ATP2A2: variants seen among roughly 807,000 people sequenced by gnomAD.
The protein encoded by ATP2A2 is ATPase sarcoplasmic/endoplasmic reticulum Ca2+ transporting 2.
A neutral mutation model predicts 109.3 loss-of-function variants in ATP2A2; 14 were observed. The ratio of observed to expected loss-of-function variants is 0.13; its 90% CI spans 0.08 to 0.20. ATP2A2 has a LOEUF of 0.20. Among genes scored for constraint, ATP2A2 ranks in the 10% least tolerant of loss-of-function variants. The pLI, the probability that ATP2A2 is intolerant of heterozygous loss-of-function variation, is 1.00. For synonymous variants in ATP2A2, 506 were observed against 490.9 expected, an observed-to-expected ratio of 1.03 and a Z score of -0.41; for missense variants, 657 against 1,321.6, an observed-to-expected ratio of 0.50 and a Z score of 7.80.
At chr12:110,345,601 A>G in intron 18 of ATP2A2, 1 of 751,752 alleles carries the variant, frequency 1.3e-6, no homozygotes, top group Admixed American at 2.6e-5. Flanking sequence ...CTTCCTTAAA[A>G]GAAACCGTGG....
intron 17 of ATP2A2, 88 bp from the exon 18 acceptor site, chr12:110,345,161 C>A: frequency 6.3e-7 from 1 of 1,597,214 alleles, no homozygotes; most frequent in Non-Finnish European, 8.6e-7. Context: ...TGCATTCAGG[C>A]TGGTCTGTGC....
At position 110,323,047 on chromosome 12, in the gene ATP2A2, A is replaced by G; in HGVS notation, c.519A>G (p.Leu173=). 6.2e-7 allele frequency: 1 copy of G among 1,612,020 alleles called. No individual in the cohort carries two copies. The highest frequency in any genetic ancestry group is 8.5e-7 in the Non-Finnish European group (1 of 1,178,068). Residue 173 remains leucine, a synonymous_variant, in exon 6 of 20, where the codon CTA becomes CTG. Coordinates refer to ENST00000539276, the MANE Select transcript of ATP2A2 (RefSeq NM_170665.4). Reference sequence around the variant, plus strand: ...TAACTTCCATCAAATCTACCACACTAAGAGTTGACCAGTCAATTCTCACAG... The same window carrying G: ...TAACTTCCATCAAATCTACCACACTGAGAGTTGACCAGTCAATTCTCACAG... The part of the protein sequence containing the change: ...IRLTSIKSTT[L]RVDQSILTGE...
chr12:110,333,195 A>C lies in ATP2A2; in HGVS notation c.1199A>C (p.Lys400Thr), dbSNP rs1878518298. ...TCTTTGGGCAGGCATAAAGATGATA[A>C]ACCAGTGAATTGTCACCAGTATGAT... ...APIGEVHKDD[K>T]PVNCHQYDGL... is the part of the protein sequence containing the mutation. The change falls in exon 10 of 20, where the codon AAA becomes ACA. Residue 400 changes from lysine (K) to threonine (T), a missense_variant. Transcript: ENST00000539276. The C allele has an allele frequency of 6.2e-7, 1 of 1,613,874 alleles. No individual in the cohort carries two copies. The highest frequency in any genetic ancestry group is 1.3e-5 in the African/African-American group (1 of 75,038).
In ATP2A2 at chr12:110,349,493, C is replaced by G. The variant is rs994783995; in HGVS notation, c.*3023C>G. 34 of 985,584 alleles carry G rather than the reference C, an allele frequency of 3.4e-5. No homozygotes were observed. Among genetic ancestry groups the G allele is most frequent in the Non-Finnish European group, 4.1e-5 (34 of 830,134 alleles). 61.1% of individuals were successfully genotyped at this position (985,584 alleles called of 1,614,324 possible). On this transcript the variant is annotated 3_prime_UTR_variant, in exon 20 of 20. Coordinates refer to ENST00000539276, the MANE Select transcript of ATP2A2 (RefSeq NM_170665.4). ...AACTGGGACACCACTCTGCAGAATG[C>G]AGATGATCCATTCTGGAGGAAGCTG...
intron 17 of ATP2A2, 54 bp downstream of exon 17, chr12:110,345,025 G>C (rs1031856231): frequency 7.8e-5 from 123 of 1,579,226 alleles, no homozygotes; most frequent in Admixed American, 1.2e-4. Context: ...GTGAGGCCTT[G>C]ACCTTTCTGT....
chr12:110,304,766 C>T (rs1436638530), intron 5 of ATP2A2, among the ~76,000 whole-genome samples: 1 of 152,016 alleles, frequency 6.6e-6, no homozygotes, highest in Non-Finnish European at 1.5e-5. Context: ...TGATAAAGTC[C>T]ACTTATACAT....
Position 110,282,819 on chromosome 12 carries a change from C to T in ATP2A2, c.219+24C>T, listed in dbSNP as rs750700820. On this transcript the variant is annotated intron_variant, in intron 3 of 19. Transcript: ENST00000539276. ...TTGTAAGTATAAAAAAATTTATTTT[C>T]TTTCCCCCCAAAAGCTGAAAGTATT... The T allele has an allele frequency of 4.4e-6, 7 of 1,575,558 alleles. No homozygotes were observed. In the African/African-American group the frequency reaches 6.8e-5, roughly 15 times the overall value.
In ATP2A2 at chr12:110,348,807, G is replaced by A. The variant is rs146603527; in HGVS notation, c.*2337G>A. 66 of 985,478 alleles carry A rather than the reference G, an allele frequency of 6.7e-5. No individual in the cohort carries two copies. In the African/African-American group the frequency reaches 9.4e-4, roughly 14 times the overall value. The allele number at this position is 985,478 out of a possible 1,614,324, so 61.0% of individuals were successfully genotyped here. On this transcript the variant is annotated 3_prime_UTR_variant, in exon 20 of 20. Transcript: ENST00000539276. ...CCAGCAGGGAACATTTGGGGCAGGG[G>A]GTAAATTTTGCCAGTTTGAGCATCA...
In ATP2A2 at chr12:110,342,501, T is replaced by C; in HGVS notation, c.2318+53T>C. The C allele has an allele frequency of 2.5e-6, 4 of 1,574,934 alleles. No individual in the cohort carries two copies. Among genetic ancestry groups the C allele is most frequent in the Non-Finnish European group, 1.7e-6 (2 of 1,150,054 alleles). On this transcript the variant is annotated intron_variant, in intron 15 of 19. Transcript: ENST00000539276. The surrounding 1 kb of genome is among the most constrained non-coding windows in gnomAD (Gnocchi z 4.6). The stretch of plus-strand genomic sequence containing the variant: ...TGTACGCCTTTATCTAAATGGGTCA[T>C]GGAGCCCAGTTCTCGCAGTTTGCTC...
rs1131691899 is a variant in ATP2A2 at position 110,296,637 on chromosome 12, A to G, written c.363A>G (p.Glu121=). Residue 121 remains glutamate, a synonymous_variant, in exon 5 of 20, where the codon GAA becomes GAG. Coordinates refer to ENST00000539276, the MANE Select transcript of ATP2A2 (RefSeq NM_170665.4). ...AAAATGCCATCGAAGCCCTTAAGGA[A>G]TATGAGCCTGAAATGGGCAAAGTGT... The part of the protein sequence containing the change: ...NAENAIEALK[E]YEPEMGKVYR... The G allele has an allele frequency of 6.2e-7, 1 of 1,614,210 alleles. No homozygotes were observed. Among genetic ancestry groups the G allele is most frequent in the Non-Finnish European group, 8.5e-7 (1 of 1,180,030 alleles).
intron 6 of ATP2A2, 191 bp from the exon 7 acceptor site, chr12:110,326,199 C>G (rs537964769): frequency 1.6e-6 from 1 of 618,286 alleles, no homozygotes; most frequent in Non-Finnish European, 2.9e-6. Context: ...TCCTGACACC[C>G]TTTGTTCTGG....
At chr12:110,301,594 A>G (rs1351414483) in intron 5 of ATP2A2, among the ~76,000 whole-genome samples, 1 of 152,186 alleles carries the variant, frequency 6.6e-6, no homozygotes, top group Non-Finnish European at 1.5e-5. Context: ...CGCAGCTGTC[A>G]TCATCTCCTA....
At chr12:110,293,469 A>G (rs1405641023) in intron 4 of ATP2A2, among the ~76,000 whole-genome samples, 3 of 145,464 alleles carry the variant, frequency 2.1e-5, no homozygotes, top group Admixed American at 7.2e-5. Flanking sequence ...GTCTTGGCTC[A>G]CTGCAACCTC....
chr12:110,348,696 C>G lies in ATP2A2; in HGVS notation c.*2226C>G, dbSNP rs1270239423. 1.0e-6 allele frequency: 1 copy of G among 985,040 alleles called. No individual in the cohort carries two copies. The highest frequency in any genetic ancestry group is 1.2e-6 in the Non-Finnish European group (1 of 829,908). The allele number at this position is 985,040 out of a possible 1,614,324, so 61.0% of individuals were successfully genotyped here. A position where few individuals can be genotyped will look rare whatever the true frequency, so the allele number is the denominator to read the frequency against. Reference sequence around the variant, plus strand: ...ACCAGCCTGGGCAACAGAGTGAGGCCCTGTCAAAAAAAAATCAGCCTTACT... The same window carrying G: ...ACCAGCCTGGGCAACAGAGTGAGGCGCTGTCAAAAAAAAATCAGCCTTACT... On this transcript the variant is annotated 3_prime_UTR_variant, in exon 20 of 20. Coordinates refer to ENST00000539276, the MANE Select transcript of ATP2A2 (RefSeq NM_170665.4).
chr12:110,303,088 A>G (rs1874855855), intron 5 of ATP2A2, among the ~76,000 whole-genome samples: 2 of 152,340 alleles, frequency 1.3e-5, no homozygotes, highest in South Asian at 2.1e-4. Context: ...CAGAACTGTC[A>G]TATTGACTGT....
At chr12:110,309,010 C>G (rs1400268896) in intron 5 of ATP2A2, among the ~76,000 whole-genome samples, 1 of 151,932 alleles carries the variant, frequency 6.6e-6, no homozygotes, top group African/African-American at 2.4e-5. Flanking sequence ...AGGGTCATCT[C>G]CTGACTTTAA....
intron 5 of ATP2A2, among the ~76,000 whole-genome samples, chr12:110,302,972 G>A (rs1160796487): frequency 1.3e-5 from 2 of 152,168 alleles, no homozygotes; most frequent in Admixed American, 1.3e-4. Context: ...CTTAAATTGT[G>A]ACCTTTTTAA....
At chr12:110,310,324 C>G (rs762412621) in intron 5 of ATP2A2, among the ~76,000 whole-genome samples, 5 of 151,746 alleles carry the variant, frequency 3.3e-5, no homozygotes, top group Non-Finnish European at 7.4e-5. Context: ...CAAGGTCTCC[C>G]TGTATTACCC....
rs142825385 is a variant in ATP2A2, at chr12:110,307,345, C to T, written c.463+10608C>T. 3.9e-5 allele frequency among the ~76,000 whole-genome samples: 6 copies of T among 151,932 alleles called. No homozygotes were observed. In the East Asian group the frequency reaches 1.2e-3, roughly 29 times the overall value. ...TTCCAGGCTCTAGTGACCCTCCCAC[C>T]TGAGCCTTCCAGGTTAGCTGGGACT... On this transcript the variant is annotated intron_variant, in intron 5 of 19. Transcript: ENST00000539276.
Sources: gnomAD v4.1 joint callset for allele counts (sites outside exome capture counted in the v4.1 genomes callset) on GRCh38, gnomAD v4.1.1 for gene constraint, Gnocchi (gnomAD v3.1) non-coding constraint, MANE v1.5 for transcripts, NCBI Gene and HGNC (gene_info 2026-07-23, HGNC 2026-07-21) for gene names.